The following NFIB variants were observed in gnomAD, a reference collection of about 807,000 sequenced individuals.
NFIB encodes nuclear factor 1 B-type.
In NFIB, 11 loss-of-function variants were observed where a neutral mutation model predicts 61.5. That is an observed-to-expected ratio of 0.18 (90% CI 0.11 to 0.30). The LOEUF (loss-of-function observed/expected upper bound fraction) is 0.30. Ranked by LOEUF, NFIB falls within the 10% of genes least tolerant of loss-of-function variation. NFIB has a pLI of 1.00. For missense variants in NFIB, 471 were observed against 608.9 expected (o/e 0.77, Z 2.38); for synonymous variants, 260 against 216.5 (o/e 1.20, Z -1.76).
the NFIB span, among the ~76,000 whole-genome samples, chr9:14,446,141 T>A: frequency 6.6e-6 from 1 of 152,236 alleles, no homozygotes; most frequent in African/African-American, 2.4e-5. Flanking sequence ...GTCTGGCTCC[T>A]TTTAAGGTAA....
intron 2 of NFIB, among the ~76,000 whole-genome samples, chr9:14,290,430 T>C (rs974796686): frequency 2.0e-5 from 3 of 151,944 alleles, no homozygotes. Context: ...GGTGCGGCGG[T>C]AAGCACTTCA....
At chr9:14,332,350 ACAC>A (rs1363104345) in intron 1 of NFIB, among the ~76,000 whole-genome samples, 8 of 145,910 alleles carry the variant, frequency 5.5e-5, no homozygotes, top group Non-Finnish European at 7.6e-5. Context: ...AAAAAAAAAA[ACAC>A]ACAAGAAGAA....
intron 10 of NFIB, among the ~76,000 whole-genome samples, chr9:14,104,507 T>A (rs1009077831): frequency 6.6e-6 from 1 of 152,164 alleles, no homozygotes; most frequent in African/African-American, 2.4e-5. Context: ...TGGCTTTGTA[T>A]AACAAGAATG....
intron 2 of NFIB, among the ~76,000 whole-genome samples, chr9:14,181,266 A>G (rs1284892148): frequency 2.0e-5 from 3 of 152,196 alleles, no homozygotes; most frequent in Non-Finnish European, 4.4e-5. Flanking sequence ...TTATTCTAGA[A>G]CAGATTTCAT....
chr9:14,128,672 G>A (rs1032554263), intron 6 of NFIB, among the ~76,000 whole-genome samples: 13 of 145,864 alleles, frequency 8.9e-5, no homozygotes, highest in Non-Finnish European at 1.3e-4. Context: ...CACTCCAGCC[G>A]CGACAAGAAC....
chr9:14,365,985 G>T (rs1362133564), intron 1 of NFIB, among the ~76,000 whole-genome samples: 1 of 152,176 alleles, frequency 6.6e-6, no homozygotes, highest in Non-Finnish European at 1.5e-5. Flanking sequence ...GCCATTCAGA[G>T]TCTGTAGCTG....
the NFIB span, among the ~76,000 whole-genome samples, chr9:14,492,367 T>TAAAC: frequency 1.3e-5 from 2 of 150,092 alleles, no homozygotes; most frequent in African/African-American, 4.9e-5. Flanking sequence ...TGCCTCAAAA[T>TAAAC]AAATAAATAA....
the NFIB span, among the ~76,000 whole-genome samples, chr9:14,492,150 T>A: frequency 6.6e-6 from 1 of 151,942 alleles, no homozygotes; most frequent in African/African-American, 2.4e-5. Flanking sequence ...GATCACAAGG[T>A]CAGGAGATCG....
intron 10 of NFIB, chr9:14,102,459 T>C (rs2035921518): frequency 6.4e-7 from 1 of 1,550,428 alleles, no homozygotes; most frequent in Non-Finnish European, 8.7e-7. Flanking sequence ...TCACTGGTAC[T>C]GGGGTATAAA....
At chr9:14,309,098 C>A (rs947488895) in intron 1 of NFIB, among the ~76,000 whole-genome samples, 6 of 152,204 alleles carry the variant, frequency 3.9e-5, no homozygotes, top group African/African-American at 1.4e-4. Context: ...TGATTGTATC[C>A]CAAGTTAGAA....
the NFIB span, among the ~76,000 whole-genome samples, chr9:14,428,330 G>A: frequency 1.3e-5 from 2 of 152,144 alleles, no homozygotes; most frequent in Admixed American, 6.5e-5. Context: ...AGCAAGTAGT[G>A]AGGTGTGTGA....
At chr9:14,102,489 T>C (rs1299224057) in intron 10 of NFIB, 4 of 1,550,328 alleles carry the variant, frequency 2.6e-6, no homozygotes, top group Middle Eastern at 1.7e-4. Context: ...TTTTGATTCA[T>C]GGTCCAGTCA....
At chr9:14,250,019 C>T (rs1229470869) in intron 2 of NFIB, among the ~76,000 whole-genome samples, 1 of 152,160 alleles carries the variant, frequency 6.6e-6, no homozygotes, top group Non-Finnish European at 1.5e-5. Context: ...ACTCCTTGTT[C>T]AAAACCCCTC....
At chr9:14,482,017 C>T in the NFIB span, among the ~76,000 whole-genome samples, 7 of 152,078 alleles carry the variant, frequency 4.6e-5, no homozygotes, top group Non-Finnish European at 1.0e-4. Context: ...GACTCTTACC[C>T]TCATCTTCTA....
Position 14,150,256 on chromosome 9 carries a change from G to C in NFIB, c.695C>G (p.Thr232Ser), listed in dbSNP as rs1306087058. The change falls in exon 5 of 11, where the codon ACC becomes AGC. Residue 232 changes from threonine (T) to serine (S), a missense_variant. By Grantham distance (58) the Thr-to-Ser change is moderately conservative. Coordinates refer to ENST00000380953, the MANE Select transcript of NFIB (RefSeq NM_001190737.2). ...TGGGAAGTTGACTCCAGTTCCCTGG[G>C]TTATGGGCGCTGAGGAATAAGACAA... ...ELVRVSRTPI[T>S]QGTGVNFPIG... 6.2e-7 allele frequency: 1 copy of C among 1,613,370 alleles called. No individual in the cohort carries two copies. The highest frequency in any genetic ancestry group is 8.5e-7 in the Non-Finnish European group (1 of 1,179,464).
rs2032072490 is a variant in NFIB at position 14,082,303 on chromosome 9, T to C, written c.*6006A>G. The stretch of plus-strand genomic sequence containing the variant: ...TTTAAAATGGATCAACCCTGGTGTG[T>C]AGCTAGCAAGCAATAACTGACTACT... On this transcript the variant is annotated 3_prime_UTR_variant, in exon 11 of 11. Coordinates refer to ENST00000380953, the MANE Select transcript of NFIB (RefSeq NM_001190737.2). 4.9e-6 allele frequency: 1 copy of C among 205,510 alleles called. No homozygotes were observed. Among genetic ancestry groups the C allele is most frequent in the Admixed American group, 6.0e-5 (1 of 16,786 alleles). 12.7% of individuals were successfully genotyped at this position (205,510 alleles called of 1,614,324 possible).
At chr9:14,093,393 C>T (rs1429044042) in intron 10 of NFIB, 1 of 151,924 alleles carries the variant, frequency 6.6e-6, no homozygotes, top group Non-Finnish European at 1.5e-5. Flanking sequence ...ATAGTAAATA[C>T]TCTTTCAAGA....
At chr9:14,504,561 T>C in the NFIB span, among the ~76,000 whole-genome samples, 1 of 152,214 alleles carries the variant, frequency 6.6e-6, no homozygotes, top group Non-Finnish European at 1.5e-5. Flanking sequence ...GTTAGCTGTA[T>C]TCCTAAGTAT....
intron 10 of NFIB, chr9:14,096,391 C>A (rs1035241875): frequency 6.6e-6 from 1 of 152,188 alleles, no homozygotes; most frequent in African/African-American, 2.4e-5. Flanking sequence ...CACCGGTTTA[C>A]TGCAGAGCGG....
Sources: allele counts gnomAD v4.1 joint callset (sites outside exome capture counted in the v4.1 genomes callset), GRCh38; gene constraint gnomAD v4.1.1; transcripts MANE v1.5; gene names NCBI Gene and HGNC (gene_info 2026-07-23, HGNC 2026-07-21).